COL8A1: variants seen among roughly 807,000 people sequenced by gnomAD.
The protein encoded by COL8A1 is collagen type VIII alpha 1 chain.
COL8A1 carries 21 observed loss-of-function variants against 42.7 expected under a neutral mutation model. That is an observed-to-expected ratio of 0.49 (90% confidence interval 0.35 to 0.71). The LOEUF is 0.71. COL8A1 is among the 30% of genes least tolerant of loss of function. COL8A1 has a pLI of 0.01. For synonymous variants in COL8A1, 367 were observed against 369.1 expected, an observed-to-expected ratio of 0.99 and a Z score of 0.06; for missense variants, 788 against 962.4, an observed-to-expected ratio of 0.82 and a Z score of 2.40.
At chr3:99,749,871 A>C (rs558792593) in intron 2 of COL8A1, among the ~76,000 whole-genome samples, 2 of 152,056 alleles carry the variant, frequency 1.3e-5, no homozygotes, top group African/African-American at 2.4e-5. Context: ...GGCTCTAAGA[A>C]AATCACAAAA....
chr3:99,789,380 T>TTC (rs148204843), intron 2 of COL8A1, among the ~76,000 whole-genome samples: 8 of 151,458 alleles, frequency 5.3e-5, no homozygotes, highest in South Asian at 2.1e-4. Flanking sequence ...AATTTGCCAC[T>TTC]TCTCTCTCTC....
chr3:99,640,812 C>A (rs1937493385), intron 1 of COL8A1, among the ~76,000 whole-genome samples: 1 of 152,138 alleles, frequency 6.6e-6, no homozygotes, highest in Non-Finnish European at 1.5e-5. Context: ...GCCCCCAAAT[C>A]TCCCCTTCTG....
At chr3:99,727,920 G>T (rs1347426841) in intron 1 of COL8A1, among the ~76,000 whole-genome samples, 1 of 151,552 alleles carries the variant, frequency 6.6e-6, no homozygotes, top group Non-Finnish European at 1.5e-5. Flanking sequence ...ATGCAGAAAA[G>T]GCCTTTGACA....
chr3:99,675,995 C>T (rs1199218402), intron 1 of COL8A1, among the ~76,000 whole-genome samples: 1 of 152,016 alleles, frequency 6.6e-6, no homozygotes, highest in African/African-American at 2.4e-5. Context: ...CTGGTGTTAT[C>T]ATTGCATACA....
At chr3:99,753,889 T>C (rs1342731167) in intron 2 of COL8A1, among the ~76,000 whole-genome samples, 1 of 152,160 alleles carries the variant, frequency 6.6e-6, no homozygotes, top group Non-Finnish European at 1.5e-5. Flanking sequence ...TACAAAGCAA[T>C]GAAAAGACTT....
intron 1 of COL8A1, among the ~76,000 whole-genome samples, chr3:99,716,788 G>T (rs573665678): frequency 1.3e-5 from 2 of 152,046 alleles, no homozygotes; most frequent in African/African-American, 2.4e-5. Flanking sequence ...CTTGCTGTTT[G>T]CTCCTTTTTT....
intron 1 of COL8A1, among the ~76,000 whole-genome samples, chr3:99,660,179 CG>C (rs1160910300): frequency 1.3e-5 from 2 of 151,994 alleles, no homozygotes; most frequent in African/African-American, 4.8e-5. Context: ...AAAGTTCCAG[CG>C]GGGAAAGAAG....
Position 99,675,189 on chromosome 3 carries a change from G to C in COL8A1, c.-129+36525G>C, listed in dbSNP as rs189376899. On this transcript the variant is annotated intron_variant, in intron 1 of 3. Transcript: ENST00000652472. The stretch of plus-strand genomic sequence containing the variant: ...GCTTCACAGTTGGGCTGGCATGACT[G>C]TCTTGGTGGGTATGACACAGAAAGC... Among the ~76,000 whole-genome samples, 11 of 152,034 alleles carry C rather than the reference G, an allele frequency of 7.2e-5. No individual in the cohort carries two copies. In the East Asian group the frequency reaches 1.5e-3, roughly 21 times the overall value.
intron 1 of COL8A1, among the ~76,000 whole-genome samples, chr3:99,716,013 A>AT (rs1939984338): frequency 1.3e-5 from 2 of 152,124 alleles, no homozygotes; most frequent in South Asian, 4.1e-4. Context: ...CAATAAGTAT[A>AT]TTTTACAGTG....
At chr3:99,792,697 T>C (rs1302066699) in intron 3 of COL8A1, among the ~76,000 whole-genome samples, 1 of 152,222 alleles carries the variant, frequency 6.6e-6, no homozygotes, top group Non-Finnish European at 1.5e-5. Flanking sequence ...GCAGAGCTTC[T>C]TGTTCCTAAG....
intron 1 of COL8A1, among the ~76,000 whole-genome samples, chr3:99,732,937 C>A (rs910524826): frequency 6.6e-6 from 1 of 152,032 alleles, no homozygotes; most frequent in African/African-American, 2.4e-5. Context: ...AACGAAAGGA[C>A]TACAGGCCGC....
intron 1 of COL8A1, among the ~76,000 whole-genome samples, chr3:99,727,897 A>G (rs575851975): frequency 2.0e-5 from 3 of 152,036 alleles, no homozygotes; most frequent in Non-Finnish European, 4.4e-5. Flanking sequence ...AAACCACATG[A>G]TTATCTCAAT....
rs376648816 is a variant in COL8A1, at chr3:99,751,498, G to T, written c.-4+6477G>T. Among the ~76,000 whole-genome samples the T allele has an allele frequency of 5.3e-5, 8 of 152,326 alleles. No individual in the cohort carries two copies. The South Asian group carries it at 1.7e-3, about 32-fold the overall frequency. ...TGCTTGAACCAGGCAGGTGGAGGTT[G>T]CAGTAAGCTGAGATCGCACCACTGC... On this transcript the variant is annotated intron_variant, in intron 2 of 3. Coordinates refer to ENST00000652472, the MANE Select transcript of COL8A1 (RefSeq NM_020351.4).
chr3:99,794,113 G>A lies in COL8A1; in HGVS notation c.329-117G>A. 1 of 662,692 alleles carries A rather than the reference G, an allele frequency of 1.5e-6. No homozygotes were observed. The highest frequency in any genetic ancestry group is 2.3e-5 in the South Asian group (1 of 43,956). 41.1% of individuals were successfully genotyped at this position (662,692 alleles called of 1,614,324 possible). A position where few individuals can be genotyped will look rare whatever the true frequency, so the allele number is the denominator to read the frequency against. On this transcript the variant is annotated intron_variant, in intron 3 of 3. Transcript: ENST00000652472. This position sits in a 1 kb window ranked among gnomAD's most constrained non-coding sequence, Gnocchi z 4.3. Reference sequence around the variant, plus strand: ...TAGTCTTTTCTCTTGATAAGTATTAGGCAAATGTGTCAGAACTAAATAATG... The same window carrying A: ...TAGTCTTTTCTCTTGATAAGTATTAAGCAAATGTGTCAGAACTAAATAATG...
At chr3:99,784,893 T>C (rs1028175302) in intron 2 of COL8A1, among the ~76,000 whole-genome samples, 1 of 152,140 alleles carries the variant, frequency 6.6e-6, no homozygotes, top group African/African-American at 2.4e-5. Context: ...CATTAATATC[T>C]CTTAATACTA....
intron 2 of COL8A1, among the ~76,000 whole-genome samples, chr3:99,766,249 A>G (rs1208333270): frequency 6.6e-6 from 1 of 152,146 alleles, no homozygotes; most frequent in East Asian, 1.9e-4. Context: ...ATGGCTGTGT[A>G]TTCCCTAAGG....
At chr3:99,767,195 T>G (rs1373199730) in intron 2 of COL8A1, among the ~76,000 whole-genome samples, 1 of 152,232 alleles carries the variant, frequency 6.6e-6, no homozygotes, top group Non-Finnish European at 1.5e-5. Context: ...CTTTTTACAA[T>G]ACAACTTCAT....
chr3:99,695,320 A>G (rs1481454937), intron 1 of COL8A1, among the ~76,000 whole-genome samples: 1 of 152,242 alleles, frequency 6.6e-6, no homozygotes, highest in African/African-American at 2.4e-5. Flanking sequence ...TAAATTTAAG[A>G]GAAAAGCATA....
chr3:99,754,300 T>G (rs1941211877), intron 2 of COL8A1, among the ~76,000 whole-genome samples: 1 of 152,220 alleles, frequency 6.6e-6, no homozygotes, highest in African/African-American at 2.4e-5. Context: ...ATAGTTTACA[T>G]AGCTATGTAA....
Sources: gnomAD v4.1 joint callset for allele counts (sites outside exome capture counted in the v4.1 genomes callset) on GRCh38, gnomAD v4.1.1 for gene constraint, Gnocchi (gnomAD v3.1) non-coding constraint, MANE v1.5 for transcripts, NCBI Gene and HGNC (gene_info 2026-07-23, HGNC 2026-07-21) for gene names.